The following CXADR variants were observed in gnomAD, a reference collection of about 807,000 sequenced individuals.
The protein encoded by CXADR is CXADR cell adhesion molecule, also known as coxsackievirus and adenovirus receptor.
CXADR carries 20 observed loss-of-function variants against 40.3 expected under a neutral mutation model. That is an observed-to-expected ratio of 0.50 (90% CI 0.35 to 0.72). CXADR has a LOEUF of 0.72. CXADR is among the 30% of genes least tolerant of loss of function. The pLI is 0.01. For missense variants in CXADR, 332 were observed against 449.1 expected (o/e 0.74, Z 2.36); for synonymous variants, 150 against 161.3 (o/e 0.93, Z 0.53).
At chr21:17,533,028 A>T (rs1412490719) in intron 1 of CXADR, among the ~76,000 whole-genome samples, 1 of 152,180 alleles carries the variant, frequency 6.6e-6, no homozygotes, top group African/African-American at 2.4e-5. Context: ...TGAGATGTGG[A>T]TACAGGGGAG....
chr21:17,598,559 T>C, downstream of CXADR: 1 of 1,465,968 alleles, frequency 6.8e-7, no homozygotes, highest in African/African-American at 1.4e-5. Context: ...TAGGACTACC[T>C]GAAAGGTCCT....
chr21:17,524,549 C>G (rs1439286619), intron 1 of CXADR, among the ~76,000 whole-genome samples: 1 of 124,386 alleles, frequency 8.0e-6, no homozygotes, highest in Non-Finnish European at 1.6e-5. Context: ...GCACTCCAGC[C>G]TGGGCAACAG....
chr21:17,529,777 C>G (rs904718657), intron 1 of CXADR, among the ~76,000 whole-genome samples: 1 of 152,052 alleles, frequency 6.6e-6, no homozygotes, highest in African/African-American at 2.4e-5. Flanking sequence ...GCACAGACTA[C>G]CACACAGTTT....
At chr21:17,578,572 C>G (rs991796170) in intron 7 of CXADR, among the ~76,000 whole-genome samples, 2 of 152,214 alleles carry the variant, frequency 1.3e-5, no homozygotes, top group Non-Finnish European at 2.9e-5. Context: ...CTCAATGGCT[C>G]ACGCCTGTAA....
chr21:17,544,095 C>CA (rs2060863520), intron 1 of CXADR, among the ~76,000 whole-genome samples: 1 of 152,134 alleles, frequency 6.6e-6, no homozygotes, highest in South Asian at 2.1e-4. Flanking sequence ...TCCAAGGCAA[C>CA]ATATGCTAAG....
At chr21:17,547,291 A>G in intron 2 of CXADR, 98 bp downstream of exon 2, 1 of 1,524,954 alleles carries the variant, frequency 6.6e-7, no homozygotes, top group South Asian at 1.3e-5. Context: ...GCAGGGAGCT[A>G]GGAAGGAAGC....
exon 8 of CXADR, chr21:17,593,372 T>C: frequency 2.1e-6 from 1 of 480,912 alleles, no homozygotes; most frequent in Non-Finnish European, 3.3e-6. Context: ...TCAAAATTAG[T>C]ACGAGCCAAA....
At chr21:17,530,496 C>G in intron 1 of CXADR, 1 of 443,186 alleles carries the variant, frequency 2.3e-6, no homozygotes, top group Non-Finnish European at 4.5e-6. Flanking sequence ...ACCCTTTTTC[C>G]CAGCTTTTTT....
the CXADR span, among the ~76,000 whole-genome samples, chr21:17,622,558 G>A: frequency 6.6e-6 from 1 of 151,998 alleles, no homozygotes; most frequent in South Asian, 2.1e-4. Context: ...TTTTGTCAGT[G>A]TTTTTATCCT....
At chr21:17,547,834 ATATT>A (rs2060918277) in intron 2 of CXADR, among the ~76,000 whole-genome samples, 1 of 152,308 alleles carries the variant, frequency 6.6e-6, no homozygotes, top group South Asian at 2.1e-4. Flanking sequence ...AATCTATAAA[ATATT>A]TAGTCTTAAA....
At chr21:17,524,365 C>A (rs1462957115) in intron 1 of CXADR, among the ~76,000 whole-genome samples, 2 of 151,428 alleles carry the variant, frequency 1.3e-5, no homozygotes, top group African/African-American at 4.8e-5. Context: ...CATTCGAGAC[C>A]AGCCTGGCCA....
chr21:17,537,171 A>G (rs1319309601), intron 1 of CXADR, among the ~76,000 whole-genome samples: 1 of 152,244 alleles, frequency 6.6e-6, no homozygotes, highest in Non-Finnish European at 1.5e-5. Flanking sequence ...TGTTCCACAC[A>G]TGTGGACTGA....
At position 17,547,039 on chromosome 21, in the gene CXADR, G is replaced by C; in HGVS notation, c.56G>C (p.Ser19Thr). 1 of 1,612,748 alleles carries C rather than the reference G, an allele frequency of 6.2e-7. No homozygotes were observed. Among genetic ancestry groups the C allele is most frequent in the East Asian group, 2.2e-5 (1 of 44,874 alleles). Residue 19 changes from serine (S) to threonine (T), a missense_variant, in exon 2 of 7, where the codon AGT (serine) becomes ACT (threonine). Coordinates refer to ENST00000284878, the MANE Select transcript of CXADR (RefSeq NM_001338.5). ...TTTCTTTCTCTAGATTTCGCCAGAA[G>C]TTTGAGTATCACTACTCCTGAAGAG... ...LLCGVVDFARSLSITTPEEMI... is the reference protein window; with the variant it reads ...LLCGVVDFARTLSITTPEEMI...
At chr21:17,548,952 A>G (rs2060933016) in intron 2 of CXADR, among the ~76,000 whole-genome samples, 1 of 152,224 alleles carries the variant, frequency 6.6e-6, no homozygotes, top group Non-Finnish European at 1.5e-5. Context: ...GGATGCATAC[A>G]TGGAATTTAA....
intron 7 of CXADR, among the ~76,000 whole-genome samples, chr21:17,580,387 G>A (rs2061351590): frequency 6.6e-6 from 1 of 152,200 alleles, no homozygotes; most frequent in African/African-American, 2.4e-5. Flanking sequence ...GGGAGGCCGA[G>A]GCAGGCAGAT....
chr21:17,537,899 G>A (rs1415095912), intron 1 of CXADR, among the ~76,000 whole-genome samples: 1 of 152,162 alleles, frequency 6.6e-6, no homozygotes, highest in Non-Finnish European at 1.5e-5. Flanking sequence ...AGCATTGTTA[G>A]TGCTAGTCCG....
downstream of CXADR, among the ~76,000 whole-genome samples, chr21:17,570,954 C>T (rs1012750119): frequency 1.3e-5 from 2 of 152,096 alleles, no homozygotes; most frequent in African/African-American, 4.8e-5. Context: ...CTGTGCATTG[C>T]GAAATGTTTG....
chr21:17,617,614 G>A, the CXADR span, among the ~76,000 whole-genome samples: 2 of 152,116 alleles, frequency 1.3e-5, no homozygotes, highest in African/African-American at 4.8e-5. Context: ...TACACTATTT[G>A]TAGTCTATTA....
At chr21:17,606,377 C>T in the CXADR span, among the ~76,000 whole-genome samples, 2 of 152,048 alleles carry the variant, frequency 1.3e-5, no homozygotes, top group African/African-American at 2.4e-5. Flanking sequence ...TTAGCGTCAC[C>T]ATTAACAATA....
Sources: allele counts gnomAD v4.1 joint callset (sites outside exome capture counted in the v4.1 genomes callset), GRCh38; gene constraint gnomAD v4.1.1; transcripts MANE v1.5; gene names NCBI Gene and HGNC (gene_info 2026-07-23, HGNC 2026-07-21).